FAM81A: variants seen among roughly 807,000 people sequenced by gnomAD.
The protein encoded by FAM81A is protein FAM81A.
In FAM81A, 19 loss-of-function variants were observed where a neutral mutation model predicts 46.7. The ratio of observed to expected loss-of-function variants is 0.41; its 90% CI spans 0.28 to 0.60. The LOEUF is 0.60. Among genes scored for constraint, FAM81A ranks in the 20% least tolerant of loss-of-function variants. The pLI, the probability that FAM81A is intolerant of heterozygous loss-of-function variation, is 0.34. For synonymous variants in FAM81A, 183 were observed against 152.9 expected (o/e 1.20, Z -1.45); for missense variants, 377 against 453.5 (o/e 0.83, Z 1.53).
chr15:59,420,612 A>G (rs11856944), intron 2 of FAM81A, among the ~76,000 whole-genome samples: 1 of 151,918 alleles, frequency 6.6e-6, no homozygotes, highest in African/African-American at 2.4e-5. Flanking sequence ...GTGCTTTATA[A>G]GATTTATTGT....
intron 8 of FAM81A, among the ~76,000 whole-genome samples, chr15:59,517,701 A>G (rs191403027): frequency 3.2e-4 from 49 of 152,334 alleles, no homozygotes; most frequent in African/African-American, 9.4e-4. Context: ...AATGTTTATT[A>G]TTTTATTTAT....
chr15:59,491,532 ATAATT>A (rs1292942523), intron 3 of FAM81A, among the ~76,000 whole-genome samples: 1 of 152,232 alleles, frequency 6.6e-6, no homozygotes, highest in Non-Finnish European at 1.5e-5. Flanking sequence ...GTAGTCAATA[ATAATT>A]TAATTGTACA....
chr15:59,474,819 A>C (rs2081744951), intron 3 of FAM81A, among the ~76,000 whole-genome samples: 1 of 152,184 alleles, frequency 6.6e-6, no homozygotes, highest in Non-Finnish European at 1.5e-5. Flanking sequence ...GCTGAGAATA[A>C]ACCCATGTGG....
chr15:59,464,141 C>T (rs2081585330), intron 3 of FAM81A, among the ~76,000 whole-genome samples: 1 of 152,150 alleles, frequency 6.6e-6, no homozygotes, highest in African/African-American at 2.4e-5. Context: ...TTGCAAAAGA[C>T]AGAATTTTGT....
chr15:59,502,620 T>A (rs2082106201), intron 4 of FAM81A, among the ~76,000 whole-genome samples: 2 of 151,764 alleles, frequency 1.3e-5, no homozygotes, highest in Admixed American at 1.3e-4. Flanking sequence ...TTCAAGCGAT[T>A]CTCCTGCTTC....
At chr15:59,399,831 C>A (rs533468705) in intron 1 of FAM81A, among the ~76,000 whole-genome samples, 9 of 152,270 alleles carry the variant, frequency 5.9e-5, no homozygotes, top group Admixed American at 3.9e-4. Context: ...GCCACTCCCT[C>A]CAGGGCAGGA....
intron 4 of FAM81A, among the ~76,000 whole-genome samples, chr15:59,494,120 T>G: frequency 6.6e-6 from 1 of 152,264 alleles, no homozygotes; most frequent in Non-Finnish European, 1.5e-5. Flanking sequence ...AAACAGTAGA[T>G]ACTCAACATT....
intron 4 of FAM81A, 130 bp downstream of exon 4, chr15:59,492,519 T>A: frequency 1.4e-6 from 1 of 705,970 alleles, no homozygotes; most frequent in Non-Finnish European, 2.3e-6. Context: ...CCCTCCCTGC[T>A]TTGGCCATAA....
intron 2 of FAM81A, among the ~76,000 whole-genome samples, chr15:59,402,774 G>C (rs571054543): frequency 6.6e-6 from 1 of 151,950 alleles, no homozygotes; most frequent in Non-Finnish European, 1.5e-5. Context: ...GGCTGGTCTC[G>C]AACTCCTGGC....
intron 2 of FAM81A, among the ~76,000 whole-genome samples, chr15:59,426,486 G>C (rs1278895036): frequency 6.6e-6 from 1 of 152,194 alleles, no homozygotes; most frequent in Non-Finnish European, 1.5e-5. Context: ...GGTGGCGCAT[G>C]CCTGTAATCC....
At chr15:59,520,563 ATTTTT>A (rs71119482) in intron 8 of FAM81A, among the ~76,000 whole-genome samples, 1 of 122,250 alleles carries the variant, frequency 8.2e-6, no homozygotes, top group Non-Finnish European at 1.8e-5. Context: ...TGTTTGCTTC[ATTTTT>A]TTTTTTTTTT....
chr15:59,443,406 GT>G (rs775091325), intron 1 of FAM81A, among the ~76,000 whole-genome samples: 13 of 152,266 alleles, frequency 8.5e-5, no homozygotes, highest in Non-Finnish European at 1.9e-4. Flanking sequence ...AAAAAAAGAT[GT>G]TTTCTGGTCC....
chr15:59,476,699 AG>A (rs2081774225), intron 3 of FAM81A, among the ~76,000 whole-genome samples: 1 of 151,786 alleles, frequency 6.6e-6, no homozygotes, highest in African/African-American at 2.4e-5. Flanking sequence ...CTGAGGAAGG[AG>A]AATTGTTTGA....
intron 4 of FAM81A, among the ~76,000 whole-genome samples, chr15:59,498,022 A>C (rs1040905417): frequency 2.0e-5 from 3 of 152,094 alleles, no homozygotes; most frequent in Non-Finnish European, 4.4e-5. Flanking sequence ...ACATCTGACT[A>C]ATTTTTTTCA....
intron 1 of FAM81A, among the ~76,000 whole-genome samples, chr15:59,453,642 G>A (rs2081446220): frequency 1.3e-5 from 2 of 151,944 alleles, no homozygotes; most frequent in Non-Finnish European, 2.9e-5. Flanking sequence ...AGAGGGATGA[G>A]AGAGACAGTA....
At chr15:59,508,574 G>A (rs1320225858) in intron 5 of FAM81A, among the ~76,000 whole-genome samples, 7 of 152,124 alleles carry the variant, frequency 4.6e-5, no homozygotes, top group African/African-American at 1.7e-4. Flanking sequence ...CATGACAGCT[G>A]GTAGAAGTTG....
intron 3 of FAM81A, among the ~76,000 whole-genome samples, chr15:59,487,397 A>C (rs746196832): frequency 1.2e-4 from 18 of 151,488 alleles, no homozygotes; most frequent in Non-Finnish European, 2.4e-4. Flanking sequence ...AAGTTAGTAG[A>C]AGAAAGGAAA....
rs115945586 is a variant in FAM81A at position 59,511,108 on chromosome 15, C to T, written c.650+2139C>T. 9.4e-3 allele frequency among the ~76,000 whole-genome samples: 1,434 copies of T among 151,792 alleles called. 21 individuals are homozygous for T. Among genetic ancestry groups the T allele is most frequent in the African/African-American group, 0.034 (1,391 of 41,356 alleles). On this transcript the variant is annotated intron_variant, in intron 6 of 8. Coordinates refer to ENST00000288228, the MANE Select transcript of FAM81A (RefSeq NM_152450.3). ...GAGACTCCATCTCAAAAAAAGAAAA[C>T]GAAGAAGAAACAAAGAAAATAATAC...
chr15:59,404,174 G>A (rs1307696598), intron 2 of FAM81A, among the ~76,000 whole-genome samples: 1 of 152,078 alleles, frequency 6.6e-6, no homozygotes, highest in Non-Finnish European at 1.5e-5. Context: ...GAACCACCAT[G>A]CCCGGCCTGA....
Sources: allele counts gnomAD v4.1 joint callset (sites outside exome capture counted in the v4.1 genomes callset), GRCh38; gene constraint gnomAD v4.1.1; transcripts MANE v1.5; gene names NCBI Gene and HGNC (gene_info 2026-07-23, HGNC 2026-07-21).